The following GALNT2 variants were observed in gnomAD, a reference collection of about 807,000 sequenced individuals.
GALNT2 encodes the protein UDP-GalNAc:polypeptide N-acetylgalactosaminyltransferase 2.
GALNT2 carries 31 observed loss-of-function variants against 81.4 expected under a neutral mutation model. That is an observed-to-expected ratio of 0.38 (90% CI 0.29 to 0.51). The LOEUF is 0.51. Ranked by LOEUF, GALNT2 falls within the 20% of genes least tolerant of loss-of-function variation. The pLI is 0.87. For missense variants in GALNT2, 629 were observed against 765.7 expected, an observed-to-expected ratio of 0.82 and a Z score of 2.11; for synonymous variants, 303 against 287.4, an observed-to-expected ratio of 1.05 and a Z score of -0.55.
intron 3 of GALNT2, among the ~76,000 whole-genome samples, chr1:230,226,667 G>A (rs1301483259): frequency 6.6e-6 from 1 of 152,198 alleles, no homozygotes; most frequent in Non-Finnish European, 1.5e-5. Flanking sequence ...TCAGAGGCAG[G>A]GGCCTCGCCA....
chr1:230,260,816 A>T (rs1017014391), intron 11 of GALNT2, among the ~76,000 whole-genome samples: 4 of 152,200 alleles, frequency 2.6e-5, no homozygotes, highest in African/African-American at 9.7e-5. Flanking sequence ...CATCAGTCTC[A>T]TCACCAAACC....
chr1:230,091,083 T>TTTC (rs1553311700), intron 1 of GALNT2, among the ~76,000 whole-genome samples: 30,350 of 149,994 alleles, frequency 0.2, 3,418 homozygotes, highest in South Asian at 0.34. Context: ...TTCTTTCTTT[T>TTTC]TTTTTTTGAG....
intron 1 of GALNT2, among the ~76,000 whole-genome samples, chr1:230,109,229 T>C (rs1660631491): frequency 6.6e-6 from 1 of 152,120 alleles, no homozygotes; most frequent in Non-Finnish European, 1.5e-5. Context: ...AGCTGCCCAG[T>C]GTGGTCCTTG....
chr1:230,075,680 T>C (rs141023867), intron 1 of GALNT2, among the ~76,000 whole-genome samples: 2,477 of 152,308 alleles, frequency 0.016, 27 homozygotes, highest in Non-Finnish European at 0.024. Context: ...GCTTTCATTC[T>C]AGTGGGGGGC....
rs183695441 is a variant in GALNT2 at position 230,168,665 on chromosome 1, C to A, written c.127-9553C>A. On this transcript the variant is annotated intron_variant, in intron 1 of 15. Transcript: ENST00000366672. ...TTCCCTTTAGGTAAATAGGATTATG[C>A]GCACATTTTTGTAATTTTTTACAAT... Among the ~76,000 whole-genome samples, 1,356 of 152,232 alleles carry A rather than the reference C, an allele frequency of 8.9e-3. 66 individuals carry two copies. Among genetic ancestry groups the A allele is most frequent in the Admixed American group, 0.079 (1,204 of 15,284 alleles).
At chr1:230,251,422 C>G (rs1213202655) in intron 10 of GALNT2, among the ~76,000 whole-genome samples, 1 of 152,088 alleles carries the variant, frequency 6.6e-6, no homozygotes, top group Admixed American at 6.6e-5. Flanking sequence ...CTAGCCTAGC[C>G]TATTATTTTT....
chr1:230,069,150 C>T (rs979858822), intron 1 of GALNT2, among the ~76,000 whole-genome samples: 4 of 152,180 alleles, frequency 2.6e-5, no homozygotes, highest in Admixed American at 2.6e-4. Context: ...CGTGCTCGTT[C>T]GCCTCCCGGA....
chr1:230,169,287 T>A (rs1449806116), intron 1 of GALNT2, among the ~76,000 whole-genome samples: 2 of 152,242 alleles, frequency 1.3e-5, no homozygotes, highest in Non-Finnish European at 2.9e-5. Context: ...ACTTGTGTCA[T>A]GCCTTATAGT....
chr1:230,149,011 G>T (rs1312934411), intron 1 of GALNT2, among the ~76,000 whole-genome samples: 1 of 151,928 alleles, frequency 6.6e-6, no homozygotes, highest in Non-Finnish European at 1.5e-5. Flanking sequence ...CATCTGACTA[G>T]CTGGGACCAC....
At chr1:230,278,651 G>C (rs1214007892) in intron 15 of GALNT2, among the ~76,000 whole-genome samples, 2 of 152,198 alleles carry the variant, frequency 1.3e-5, no homozygotes, top group Non-Finnish European at 2.9e-5. Context: ...GCACCAGGGG[G>C]CTCAAGGGTA....
chr1:230,274,969 C>CATAT (rs34483531), intron 15 of GALNT2, among the ~76,000 whole-genome samples: 3 of 142,438 alleles, frequency 2.1e-5, no homozygotes, highest in East Asian at 3.9e-4. Context: ...ATACACACCA[C>CATAT]ATATATATAC....
intron 15 of GALNT2, among the ~76,000 whole-genome samples, chr1:230,278,326 T>C (rs1303346243): frequency 6.6e-6 from 1 of 152,076 alleles, no homozygotes; most frequent in African/African-American, 2.4e-5. Flanking sequence ...GTTCTTGCTA[T>C]GTTGCCCAGG....
intron 1 of GALNT2, among the ~76,000 whole-genome samples, chr1:230,152,837 G>A (rs536925191): frequency 1.3e-5 from 2 of 152,312 alleles, no homozygotes; most frequent in African/African-American, 4.8e-5. Context: ...TGGCTCTAAC[G>A]TGATGTTCAT....
rs1665997204 is a variant in GALNT2, at chr1:230,265,221, A to T, written c.1314-20A>T. ...GTGGTCATGTGCAGTGAAGCAGGTG[A>T]TTCTCACGTTGTTTTTCAGGGTTCC... is the stretch of plus-strand genomic sequence containing the variant. On this transcript the variant is annotated intron_variant, in intron 13 of 15. Coordinates refer to ENST00000366672, the MANE Select transcript of GALNT2 (RefSeq NM_004481.5). 1 of 1,613,964 alleles carries T rather than the reference A, an allele frequency of 6.2e-7. No homozygotes were observed. The highest frequency in any genetic ancestry group is 1.3e-5 in the African/African-American group (1 of 74,918).
chr1:230,239,652 A>C (rs150334194), intron 6 of GALNT2, among the ~76,000 whole-genome samples: 1 of 152,122 alleles, frequency 6.6e-6, no homozygotes, highest in Non-Finnish European at 1.5e-5. Flanking sequence ...GTTCATTTAC[A>C]TGTGGCGTAA....
In GALNT2 at chr1:230,279,446, C is replaced by T; in HGVS notation, c.1704C>T (p.Asn568=). 3.7e-6 allele frequency: 6 copies of T among 1,613,954 alleles called. No homozygotes were observed. Among genetic ancestry groups the T allele is most frequent in the Non-Finnish European group, 5.1e-6 (6 of 1,179,940 alleles). ...ALSQQWKFTL[N]LQQ is the part of the protein sequence containing the mutation. ...CGCAGCAGTGGAAGTTCACGCTCAA[C>T]CTGCAGCAGTAGGAGGGTCCGGGAG... Residue 568 remains asparagine, a synonymous_variant, in exon 16 of 16, where the codon AAC becomes AAT. Transcript: ENST00000366672. The surrounding 1 kb of genome is among the most constrained non-coding windows in gnomAD (Gnocchi z 4.6).
intron 1 of GALNT2, among the ~76,000 whole-genome samples, chr1:230,173,421 A>T (rs920075843): frequency 6.6e-6 from 1 of 152,170 alleles, no homozygotes; most frequent in African/African-American, 2.4e-5. Context: ...CACTTTCCTG[A>T]AGCACCATCT....
intron 1 of GALNT2, among the ~76,000 whole-genome samples, chr1:230,135,294 T>A (rs551765225): frequency 1.2e-4 from 18 of 152,292 alleles, no homozygotes; most frequent in African/African-American, 4.1e-4. Flanking sequence ...CATATTTTAT[T>A]CTCTAATGAT....
chr1:230,132,850 C>T (rs990504968), intron 1 of GALNT2, among the ~76,000 whole-genome samples: 1 of 152,062 alleles, frequency 6.6e-6, no homozygotes, highest in Non-Finnish European at 1.5e-5. Flanking sequence ...GTTTCTTGAG[C>T]GTGGGATGAG....
Sources: allele counts gnomAD v4.1 joint callset (sites outside exome capture counted in the v4.1 genomes callset), GRCh38; gene constraint gnomAD v4.1.1; non-coding constraint Gnocchi (gnomAD v3.1); transcripts MANE v1.5; gene names NCBI Gene and HGNC (gene_info 2026-07-23, HGNC 2026-07-21).